Variants in EHMT1 observed in about 807,000 individuals in gnomAD.
EHMT1 encodes histone-lysine N-methyltransferase EHMT1.
Under a neutral mutation model 147.2 loss-of-function variants are expected in EHMT1, and 15 were observed. The ratio of observed to expected loss-of-function variants is 0.10; its 90% CI spans 0.07 to 0.16. EHMT1 has a LOEUF of 0.16. Ranked by LOEUF, EHMT1 falls within the 10% of genes least tolerant of loss-of-function variation. The pLI is 1.00. For missense variants in EHMT1, 1,587 were observed against 1,772.4 expected (o/e 0.90, Z 1.88); for synonymous variants, 795 against 709.6 (o/e 1.12, Z -1.91).
intron 1 of EHMT1, among the ~76,000 whole-genome samples, chr9:137,659,578 C>CA (rs1430471718): frequency 6.8e-6 from 1 of 147,578 alleles, no homozygotes; most frequent in Admixed American, 6.8e-5. Flanking sequence ...TTTTTGGAGA[C>CA]AGAGTCTCTG....
At chr9:137,756,588 C>T (rs540190418) in intron 8 of EHMT1, among the ~76,000 whole-genome samples, 2 of 152,314 alleles carry the variant, frequency 1.3e-5, no homozygotes, top group East Asian at 3.9e-4. Context: ...GCATGTGGTG[C>T]TTCAGTTACG....
chr9:137,744,197 C>A, intron 6 of EHMT1, 107 bp downstream of exon 6: 1 of 1,204,124 alleles, frequency 8.3e-7, no homozygotes, highest in Non-Finnish European at 1.2e-6. Context: ...ATAAAATCCC[C>A]TGTTTACAAT....
rs368147369 is a variant in EHMT1, at chr9:137,744,178, T to A, written c.1170+88T>A. 9 of 1,389,730 alleles carry A rather than the reference T, an allele frequency of 6.5e-6. No homozygotes were observed. In the South Asian group the frequency reaches 1.1e-4, roughly 17 times the overall value. The allele number at this position is 1,389,730 out of a possible 1,614,324, so 86.1% of individuals were successfully genotyped here. A position where few individuals can be genotyped will look rare whatever the true frequency, so the allele number is the denominator to read the frequency against. On this transcript the variant is annotated intron_variant, in intron 6 of 26. Coordinates refer to ENST00000460843, the MANE Select transcript of EHMT1 (RefSeq NM_024757.5). ...TGAAAATTAACAGTCTGGTCACTTC[T>A]AGACCCTGATAAAATCCCCTGTTTA... is the stretch of plus-strand genomic sequence containing the variant.
At chr9:137,696,018 A>T (rs1267468854) in intron 1 of EHMT1, among the ~76,000 whole-genome samples, 1 of 152,226 alleles carries the variant, frequency 6.6e-6, no homozygotes, top group Admixed American at 6.5e-5. Context: ...TAAGCAGCAG[A>T]TGGAAAGGGA....
At chr9:137,751,460 C>T (rs568171025) in intron 6 of EHMT1, among the ~76,000 whole-genome samples, 4 of 152,186 alleles carry the variant, frequency 2.6e-5, no homozygotes, top group Non-Finnish European at 5.9e-5. Flanking sequence ...CCGCAGAGTA[C>T]ACCCTTGATG....
Position 137,803,922 on chromosome 9 carries a change from C to A in EHMT1, c.2712+2938C>A, listed in dbSNP as rs761411418. On this transcript the variant is annotated intron_variant, in intron 18 of 26. Coordinates refer to ENST00000460843, the MANE Select transcript of EHMT1 (RefSeq NM_024757.5). Reference sequence around the variant, plus strand: ...ATGAGAGTGCATTCATCCGTTCTCACACTGCTATCAGGGTTCTACCTAAGA... The same window carrying A: ...ATGAGAGTGCATTCATCCGTTCTCAAACTGCTATCAGGGTTCTACCTAAGA... Among the ~76,000 whole-genome samples, 22 of 151,982 alleles carry A rather than the reference C, an allele frequency of 1.4e-4. No individual in the cohort carries two copies. The East Asian group carries it at 2.1e-3, about 15-fold the overall frequency.
intron 1 of EHMT1, among the ~76,000 whole-genome samples, chr9:137,671,109 A>G (rs1940568331): frequency 6.6e-6 from 1 of 152,164 alleles, no homozygotes; most frequent in Non-Finnish European, 1.5e-5. Flanking sequence ...TGACTTACAG[A>G]TTAGTGAGGG....
At chr9:137,682,196 C>T (rs1170694686) in intron 1 of EHMT1, among the ~76,000 whole-genome samples, 2 of 152,152 alleles carry the variant, frequency 1.3e-5, no homozygotes, top group Non-Finnish European at 2.9e-5. Flanking sequence ...GATCCGCCCA[C>T]CTCAGCCTCC....
intron 1 of EHMT1, chr9:137,664,864 G>A (rs1367273632): frequency 1.3e-5 from 2 of 152,186 alleles, no homozygotes; most frequent in Non-Finnish European, 2.9e-5. Context: ...CCCATGTCTG[G>A]GTTGTTTGCT....
At chr9:137,745,268 G>A (rs532165198) in intron 6 of EHMT1, among the ~76,000 whole-genome samples, 1 of 152,174 alleles carries the variant, frequency 6.6e-6, no homozygotes, top group Admixed American at 6.5e-5. Flanking sequence ...CAGAGTTTTG[G>A]GGATGTGTTT....
At chr9:137,788,095 G>T (rs1474162239) in intron 15 of EHMT1, 3 of 1,330,448 alleles carry the variant, frequency 2.3e-6, no homozygotes, top group Non-Finnish European at 3.0e-6. Context: ...GGGCCAGGAA[G>T]GGGGCAGAGG....
intron 1 of EHMT1, among the ~76,000 whole-genome samples, chr9:137,645,829 C>G (rs1844845210): frequency 6.6e-6 from 1 of 151,962 alleles, no homozygotes; most frequent in African/African-American, 2.4e-5. Flanking sequence ...GTGAAATGCA[C>G]ACTAGATTTC....
At chr9:137,834,731 G>C (rs369987234) in intron 26 of EHMT1, 42 bp from the exon 27 acceptor site, 5 of 1,612,962 alleles carry the variant, frequency 3.1e-6, no homozygotes, top group Non-Finnish European at 4.2e-6. Flanking sequence ...GGGAGGTGCC[G>C]GTGGGATTCG....
At chr9:137,750,748 G>A (rs1948899655) in intron 6 of EHMT1, among the ~76,000 whole-genome samples, 1 of 152,254 alleles carries the variant, frequency 6.6e-6, no homozygotes, top group Non-Finnish European at 1.5e-5. Flanking sequence ...CGGAGCTCAG[G>A]ACGTGGCTGC....
Position 137,834,837 on chromosome 9 carries a change from C to G in EHMT1, c.3781C>G (p.Pro1261Ala). ...GKLFSCRCGS[P>A]KCRHSSAALA... The stretch of plus-strand genomic sequence containing the variant: ...GCTCTTCAGCTGCCGCTGCGGCTCC[C>G]CCAAGTGCCGGCACTCGAGCGCGGC... Residue 1261 changes from proline (P) to alanine (A), a missense_variant, in exon 27 of 27, where the codon CCC (proline) becomes GCC (alanine). Physicochemically the swap from Pro to Ala is conservative, Grantham distance 27 (BLOSUM62 -1). Around this residue, in one of 7 missense-constraint regions of EHMT1, gnomAD observed 141 missense variants for 150.8 expected, o/e 0.94. Coordinates refer to ENST00000460843, the MANE Select transcript of EHMT1 (RefSeq NM_024757.5). The G allele has an allele frequency of 6.2e-7, 1 of 1,612,610 alleles. No homozygotes were observed. Among genetic ancestry groups the G allele is most frequent in the Non-Finnish European group, 8.5e-7 (1 of 1,179,654 alleles).
chr9:137,708,844 C>T (rs1422272406), intron 1 of EHMT1, among the ~76,000 whole-genome samples: 1 of 152,176 alleles, frequency 6.6e-6, no homozygotes, highest in African/African-American at 2.4e-5. Context: ...GAGTGGCATA[C>T]ATTTTGCCAG....
chr9:137,710,444 G>C (rs1009683348), intron 1 of EHMT1, among the ~76,000 whole-genome samples: 4 of 152,216 alleles, frequency 2.6e-5, no homozygotes, highest in Admixed American at 2.6e-4. Flanking sequence ...CTGTACTCCA[G>C]CCTGGGCGAG....
Position 137,757,940 on chromosome 9 carries a change from C to G in EHMT1, c.1430C>G (p.Thr477Arg), listed in dbSNP as rs1321810596. 1 of 1,614,066 alleles carries G rather than the reference C, an allele frequency of 6.2e-7. No homozygotes were observed. The highest frequency in any genetic ancestry group is 8.5e-7 in the Non-Finnish European group (1 of 1,180,018). The change falls in exon 9 of 27, where the codon ACA becomes AGA. Residue 477 changes from threonine to arginine, a missense_variant. By Grantham distance (71) the Thr-to-Arg change is moderately conservative. This residue lies in a region of EHMT1 where 810 missense variants were observed against 673.0 expected (regional missense o/e 1.20). Transcript: ENST00000460843. ...GAGCAGACGGCACCAGGAGACAGCACAGGGTACATGGAAGTTTCTCTGGAC... is the reference window on the plus strand; with the variant it reads ...GAGCAGACGGCACCAGGAGACAGCAGAGGGTACATGGAAGTTTCTCTGGAC... ...SAEQTAPGDS[T>R]GYMEVSLDSL...
At chr9:137,814,655 G>A in intron 22 of EHMT1, 147 bp downstream of exon 22, 2 of 851,302 alleles carry the variant, frequency 2.3e-6, no homozygotes, top group Non-Finnish European at 3.8e-6. Context: ...AGGCAGGGGA[G>A]GCACAGCGGG....
Sources: allele counts gnomAD v4.1 joint callset (sites outside exome capture counted in the v4.1 genomes callset), GRCh38; gene constraint gnomAD v4.1.1; regional missense constraint gnomAD v4.1.1; transcripts MANE v1.5; gene names NCBI Gene and HGNC (gene_info 2026-07-23, HGNC 2026-07-21).